The following XYLT1 variants were observed in gnomAD, a reference collection of about 807,000 sequenced individuals.
XYLT1 encodes the protein xylosyltransferase 1.
Under a neutral mutation model 91.3 loss-of-function variants are expected in XYLT1, and 36 were observed. The observed-to-expected ratio is 0.39, with a 90% CI of 0.30 to 0.52. XYLT1 has a LOEUF of 0.52. XYLT1 is among the 20% of genes least tolerant of loss of function. XYLT1 has a pLI of 0.68. For missense variants in XYLT1, 1,242 were observed against 1,284.5 expected, an observed-to-expected ratio of 0.97 and a Z score of 0.51; for synonymous variants, 588 against 532.0, an observed-to-expected ratio of 1.11 and a Z score of -1.45.
chr16:17,355,463 G>C (rs540170161), intron 2 of XYLT1: 3 of 152,138 alleles, frequency 2.0e-5, no homozygotes, highest in Non-Finnish European at 4.4e-5. Context: ...AAAACACACC[G>C]TGGAAGTTCT....
At chr16:17,268,982 T>A (rs1426746218) in intron 2 of XYLT1, among the ~76,000 whole-genome samples, 1 of 152,092 alleles carries the variant, frequency 6.6e-6, no homozygotes, top group African/African-American at 2.4e-5. Context: ...CGATAAATAC[T>A]TTCCTATAGA....
chr16:17,214,651 A>G (rs907168556), intron 3 of XYLT1, among the ~76,000 whole-genome samples: 2 of 152,178 alleles, frequency 1.3e-5, no homozygotes, highest in Non-Finnish European at 2.9e-5. Flanking sequence ...AAATAGACTC[A>G]TGCACACGCC....
chr16:17,125,352 C>T (rs7194523), intron 10 of XYLT1, among the ~76,000 whole-genome samples: 98,713 of 152,038 alleles, frequency 0.65, 32,988 homozygotes, highest in Non-Finnish European at 0.71. Context: ...GCCTCCTATC[C>T]GCCATTTTCC....
chr16:17,395,545 A>G (rs1427535512), intron 1 of XYLT1, among the ~76,000 whole-genome samples: 1 of 152,180 alleles, frequency 6.6e-6, no homozygotes, highest in Non-Finnish European at 1.5e-5. Flanking sequence ...AACAAAGCAT[A>G]TGTCACAAGT....
chr16:17,129,518 G>A (rs1198021471), intron 9 of XYLT1, among the ~76,000 whole-genome samples: 7 of 152,030 alleles, frequency 4.6e-5, no homozygotes, highest in East Asian at 1.9e-4. Flanking sequence ...CGCCCGCCTC[G>A]GCCTCCCAAA....
chr16:17,166,575 G>A (rs530993188), intron 5 of XYLT1, among the ~76,000 whole-genome samples: 38 of 151,570 alleles, frequency 2.5e-4, no homozygotes, highest in South Asian at 1.5e-3. Flanking sequence ...GCAGTGGCAC[G>A]ATCTCCGCTT....
chr16:17,282,464 C>T (rs1320324917), intron 2 of XYLT1, among the ~76,000 whole-genome samples: 1 of 152,206 alleles, frequency 6.6e-6, no homozygotes, highest in African/African-American at 2.4e-5. Context: ...AAAATAACAA[C>T]ATTTGGTTTG....
At chr16:17,397,571 G>C (rs1210401647) in intron 1 of XYLT1, among the ~76,000 whole-genome samples, 1 of 152,060 alleles carries the variant, frequency 6.6e-6, no homozygotes, top group African/African-American at 2.4e-5. Flanking sequence ...TATGTCTACA[G>C]CCTCTGCTCT....
chr16:17,321,342 C>CTTTTTTTTTT (rs10606202), intron 2 of XYLT1, among the ~76,000 whole-genome samples: 18 of 43,624 alleles, frequency 4.1e-4, no homozygotes, highest in African/African-American at 1.1e-3. Context: ...ACTAACTAGC[C>CTTTTTTTTTT]TTTTTTTTTT....
intron 3 of XYLT1, among the ~76,000 whole-genome samples, chr16:17,245,823 A>G (rs888249057): frequency 6.6e-6 from 1 of 152,188 alleles, no homozygotes; most frequent in Non-Finnish European, 1.5e-5. Flanking sequence ...CAAATATACC[A>G]CAGCAACTAG....
chr16:17,280,063 T>C (rs59385104), intron 2 of XYLT1, among the ~76,000 whole-genome samples: 16,171 of 152,190 alleles, frequency 0.11, 915 homozygotes, highest in Middle Eastern at 0.13. Context: ...TCTAAAAAGC[T>C]ATCCAGGCTG....
At chr16:17,238,364 G>A (rs1187352166) in intron 3 of XYLT1, among the ~76,000 whole-genome samples, 3 of 152,164 alleles carry the variant, frequency 2.0e-5, no homozygotes, top group Non-Finnish European at 2.9e-5. Context: ...GCTATTGAAA[G>A]TGATGGCCAA....
chr16:17,422,171 A>G (rs2036258673), intron 1 of XYLT1, among the ~76,000 whole-genome samples: 1 of 151,474 alleles, frequency 6.6e-6, no homozygotes, highest in Admixed American at 6.6e-5. Context: ...TTTAGTAGAG[A>G]CGGGGTTTCA....
chr16:17,166,891 A>G (rs973260767), intron 5 of XYLT1, among the ~76,000 whole-genome samples: 4 of 152,010 alleles, frequency 2.6e-5, no homozygotes, highest in Non-Finnish European at 5.9e-5. Flanking sequence ...TCTTTGCCCA[A>G]TGAACTGGGG....
intron 10 of XYLT1, among the ~76,000 whole-genome samples, chr16:17,121,313 A>G (rs2030047379): frequency 6.6e-6 from 1 of 152,170 alleles, no homozygotes; most frequent in Admixed American, 6.5e-5. Flanking sequence ...GGAGCAGCTG[A>G]CAAACAACCT....
chr16:17,220,492 A>T (rs940585543), intron 3 of XYLT1, among the ~76,000 whole-genome samples: 18 of 152,276 alleles, frequency 1.2e-4, no homozygotes, highest in African/African-American at 3.9e-4. Flanking sequence ...TTTGTTTTTG[A>T]GACGTAGTCC....
chr16:17,227,290 A>T (rs1199922204), intron 3 of XYLT1: 1 of 152,360 alleles, frequency 6.6e-6, no homozygotes, highest in African/African-American at 2.4e-5. Context: ...TTCCAGGCAG[A>T]CACACTTGGG....
At position 17,127,666 on chromosome 16, in the gene XYLT1, C is replaced by T; in HGVS notation, c.2223G>A (p.Glu741=). ...PSDFGRLQFS[E]VGTDWDAKER... is the part of the protein sequence containing the mutation. Reference sequence around the variant, plus strand: ...AATGTGACAAGACCTGGCCTCTTACCTCGGAAAACTGAAGCCTCCCAAAGT... The same window carrying T: ...AATGTGACAAGACCTGGCCTCTTACTTCGGAAAACTGAAGCCTCCCAAAGT... Residue 741 remains glutamate (E), a splice_region_variant and synonymous_variant, in exon 10 of 12, where the codon GAG becomes GAA. Coordinates refer to ENST00000261381, the MANE Select transcript of XYLT1 (RefSeq NM_022166.4). 6.2e-7 allele frequency: 1 copy of T among 1,612,886 alleles called. No homozygotes were observed. Among genetic ancestry groups the T allele is most frequent in the Non-Finnish European group, 8.5e-7 (1 of 1,179,576 alleles).
chr16:17,234,576 T>C (rs943350734), intron 3 of XYLT1, among the ~76,000 whole-genome samples: 4 of 151,854 alleles, frequency 2.6e-5, no homozygotes, highest in African/African-American at 2.4e-5. Flanking sequence ...TAACAGCTCA[T>C]TGACTACTCT....
Sources: allele counts gnomAD v4.1 joint callset (sites outside exome capture counted in the v4.1 genomes callset), GRCh38; gene constraint gnomAD v4.1.1; transcripts MANE v1.5; gene names NCBI Gene and HGNC (gene_info 2026-07-23, HGNC 2026-07-21).